LRBA: variants seen among roughly 807,000 people sequenced by gnomAD.
LRBA encodes LPS responsive beige-like anchor protein.
A neutral mutation model predicts 330.0 loss-of-function variants in LRBA; 176 were observed. That is an observed-to-expected ratio of 0.53 (90% CI 0.47 to 0.60). The LOEUF (loss-of-function observed/expected upper bound fraction) is 0.60, where lower values mean the gene tolerates loss of function less well. LRBA is among the 20% of genes least tolerant of loss of function. LRBA has a pLI of 0.00. For synonymous variants in LRBA, 1,230 were observed against 1,193.0 expected, an observed-to-expected ratio of 1.03 and a Z score of -0.64; for missense variants, 3,259 against 3,444.8, an observed-to-expected ratio of 0.95 and a Z score of 1.35.
At chr4:150,592,911 G>A (rs926385279) in intron 38 of LRBA, among the ~76,000 whole-genome samples, 6 of 151,992 alleles carry the variant, frequency 3.9e-5, no homozygotes, top group Non-Finnish European at 8.8e-5. Context: ...TGGGATTACA[G>A]GCGTAAGTCA....
chr4:150,435,307 C>T (rs777119925), intron 46 of LRBA, among the ~76,000 whole-genome samples: 3 of 152,064 alleles, frequency 2.0e-5, no homozygotes, highest in Non-Finnish European at 4.4e-5. Flanking sequence ...GCCAAGATCA[C>T]GCCATTGCAC....
chr4:150,970,032 CTT>C (rs1255321174), intron 2 of LRBA, among the ~76,000 whole-genome samples: 1 of 152,156 alleles, frequency 6.6e-6, no homozygotes, highest in Non-Finnish European at 1.5e-5. Context: ...ATTTTAACAA[CTT>C]TTCACAGCCA....
chr4:150,482,083 G>T (rs1757364672), intron 42 of LRBA, among the ~76,000 whole-genome samples: 1 of 151,968 alleles, frequency 6.6e-6, no homozygotes, highest in African/African-American at 2.4e-5. Flanking sequence ...ATTTTTAGGT[G>T]TACAATATAA....
intron 47 of LRBA, among the ~76,000 whole-genome samples, chr4:150,401,546 G>A (rs6832193): frequency 0.87 from 132,495 of 152,134 alleles, 58,566 homozygotes; most frequent in Non-Finnish European, 0.96. Flanking sequence ...GGTTACAGGA[G>A]AAGTAACTTC....
intron 36 of LRBA, among the ~76,000 whole-genome samples, chr4:150,695,903 T>C (rs190163152): frequency 1.6e-4 from 25 of 152,302 alleles, no homozygotes; most frequent in Non-Finnish European, 3.1e-4. Context: ...TGAATAAATA[T>C]ATTTGCTACT....
intron 47 of LRBA, among the ~76,000 whole-genome samples, chr4:150,371,013 C>T (rs1740201757): frequency 6.6e-6 from 1 of 151,860 alleles, no homozygotes; most frequent in Non-Finnish European, 1.5e-5. Context: ...CCCTTCATTC[C>T]CACCAAATGT....
At chr4:150,588,011 C>T in intron 40 of LRBA, 37 bp downstream of exon 40, 2 of 1,598,048 alleles carry the variant, frequency 1.3e-6, no homozygotes, top group Non-Finnish European at 8.5e-7. Context: ...CCCACCATCC[C>T]ATCATAAGAA....
intron 36 of LRBA, among the ~76,000 whole-genome samples, chr4:150,731,981 C>A (rs2127129684): frequency 6.6e-6 from 1 of 152,072 alleles, no homozygotes; most frequent in African/African-American, 2.4e-5. Flanking sequence ...CTACTATGTA[C>A]CCACAAATAT....
intron 40 of LRBA, among the ~76,000 whole-genome samples, chr4:150,537,115 A>G (rs1282471732): frequency 6.6e-6 from 1 of 152,266 alleles, no homozygotes; most frequent in East Asian, 1.9e-4. Context: ...ACAGCATGAT[A>G]CTGGTACAAA....
chr4:150,278,791 T>C (rs1322383349), intron 55 of LRBA, among the ~76,000 whole-genome samples: 1 of 152,092 alleles, frequency 6.6e-6, no homozygotes, highest in Non-Finnish European at 1.5e-5. Flanking sequence ...TGAATATTTA[T>C]ATGAATTCCA....
chr4:150,338,287 G>A (rs1016003138), intron 48 of LRBA, among the ~76,000 whole-genome samples: 21 of 152,118 alleles, frequency 1.4e-4, no homozygotes, highest in African/African-American at 5.1e-4. Flanking sequence ...AAATAGAGCT[G>A]AGTTCCATTT....
At chr4:150,931,570 G>A (rs1302418867) in intron 2 of LRBA, among the ~76,000 whole-genome samples, 1 of 150,382 alleles carries the variant, frequency 6.6e-6, no homozygotes, top group Non-Finnish European at 1.5e-5. Flanking sequence ...AGACCAGTCT[G>A]GCAACACAGC....
At chr4:150,595,408 A>G (rs2126488937) in intron 38 of LRBA, among the ~76,000 whole-genome samples, 1 of 152,052 alleles carries the variant, frequency 6.6e-6, no homozygotes, top group Non-Finnish European at 1.5e-5. Flanking sequence ...AGATCTTTAC[A>G]TGATCTGTCA....
chr4:150,411,062 T>C (rs1306951752), intron 47 of LRBA, among the ~76,000 whole-genome samples: 3 of 152,166 alleles, frequency 2.0e-5, no homozygotes, highest in Admixed American at 6.5e-5. Flanking sequence ...GTTCAGGTAA[T>C]AGTAGATAAC....
At chr4:150,368,199 C>T (rs1164109050) in intron 47 of LRBA, among the ~76,000 whole-genome samples, 1 of 151,916 alleles carries the variant, frequency 6.6e-6, no homozygotes, top group Non-Finnish European at 1.5e-5. Flanking sequence ...TTCATAATAC[C>T]CCCAATTCAC....
chr4:150,575,172 G>T (rs1770389720), intron 40 of LRBA, among the ~76,000 whole-genome samples: 1 of 151,924 alleles, frequency 6.6e-6, no homozygotes, highest in South Asian at 2.1e-4. Context: ...CTTTATATCA[G>T]ATGGTTAAAG....
At chr4:150,611,790 C>T (rs1164344336) in intron 37 of LRBA, among the ~76,000 whole-genome samples, 2 of 152,130 alleles carry the variant, frequency 1.3e-5, no homozygotes, top group African/African-American at 4.8e-5. Context: ...GTTTAGTAAC[C>T]ACATCACTTG....
At chr4:150,424,699 C>T (rs566489120) in intron 46 of LRBA, among the ~76,000 whole-genome samples, 1 of 152,292 alleles carries the variant, frequency 6.6e-6, no homozygotes, top group East Asian at 1.9e-4. Context: ...ATGTGCACAT[C>T]TTTGGGATGT....
intron 2 of LRBA, 28 bp from the exon 3 acceptor site, chr4:150,929,093 A>G: frequency 1.4e-6 from 2 of 1,427,414 alleles, no homozygotes; most frequent in South Asian, 1.2e-5. Context: ...AAAACACATT[A>G]AAAGCATTAG....
Sources: allele counts gnomAD v4.1 joint callset (sites outside exome capture counted in the v4.1 genomes callset), GRCh38; gene constraint gnomAD v4.1.1; transcripts MANE v1.5; gene names NCBI Gene and HGNC (gene_info 2026-07-23, HGNC 2026-07-21).